The following GPHN variants were observed in gnomAD, a reference collection of about 807,000 sequenced individuals.
GPHN encodes the protein gephyrin.
In GPHN, 17 loss-of-function variants were observed where a neutral mutation model predicts 95.5. The ratio of observed to expected loss-of-function variants is 0.18; its 90% CI spans 0.12 to 0.27. The LOEUF is 0.27. GPHN is among the 10% of genes least tolerant of loss of function. The pLI, the probability that GPHN is intolerant of heterozygous loss-of-function variation, is 1.00. For missense variants in GPHN, 660 were observed against 978.1 expected (o/e 0.67, Z 4.34); for synonymous variants, 320 against 322.5 (o/e 0.99, Z 0.08).
At chr14:67,215,265 T>C in the GPHN span, among the ~76,000 whole-genome samples, 3 of 152,260 alleles carry the variant, frequency 2.0e-5, no homozygotes, top group Middle Eastern at 3.4e-3. Context: ...TCTAGGGAGC[T>C]TTCTTCCAGG....
At chr14:67,334,737 T>A in the GPHN span, 3 of 152,236 alleles carry the variant, frequency 2.0e-5, no homozygotes, top group East Asian at 5.8e-4. Context: ...TCTGAAATAC[T>A]CCAGTTTAGA....
At chr14:66,790,958 G>A (rs1293044295) in intron 3 of GPHN, among the ~76,000 whole-genome samples, 4 of 152,234 alleles carry the variant, frequency 2.6e-5, no homozygotes, top group African/African-American at 9.6e-5. Flanking sequence ...AAAGAGAATA[G>A]TAATTAAAAT....
chr14:67,508,035 G>A, the GPHN span, among the ~76,000 whole-genome samples: 2 of 151,908 alleles, frequency 1.3e-5, no homozygotes, highest in Non-Finnish European at 1.5e-5. Flanking sequence ...CTACTCGGGA[G>A]GCTGAGGCAG....
At chr14:67,538,497 T>C in the GPHN span, among the ~76,000 whole-genome samples, 5 of 152,358 alleles carry the variant, frequency 3.3e-5, no homozygotes, top group South Asian at 1.0e-3. Context: ...CTGCTCATCC[T>C]TGTGCATTTT....
the GPHN span, among the ~76,000 whole-genome samples, chr14:67,368,138 A>C: frequency 6.6e-6 from 1 of 152,164 alleles, no homozygotes; most frequent in African/African-American, 2.4e-5. Context: ...AGGAGTCACA[A>C]GGAACTAGGG....
At chr14:67,594,054 T>C in the GPHN span, 1 of 749,184 alleles carries the variant, frequency 1.3e-6, no homozygotes, top group Non-Finnish European at 2.3e-6. Flanking sequence ...ATTGCTTTTA[T>C]TTGGGTTCTA....
the GPHN span, among the ~76,000 whole-genome samples, chr14:67,293,035 C>A: frequency 2.6e-5 from 4 of 151,996 alleles, no homozygotes; most frequent in Admixed American, 2.6e-4. Context: ...GAATTTTAAG[C>A]ATTATACATT....
the GPHN span, chr14:67,656,288 T>A: frequency 2.3e-6 from 2 of 871,298 alleles, no homozygotes; most frequent in Non-Finnish European, 3.2e-6. Flanking sequence ...GAGAAAAGCA[T>A]AAGAACTTAA....
At chr14:66,967,395 T>C (rs1054977840) in intron 9 of GPHN, among the ~76,000 whole-genome samples, 1 of 152,024 alleles carries the variant, frequency 6.6e-6, no homozygotes, top group Non-Finnish European at 1.5e-5. Context: ...TAAGAGAATC[T>C]AAACTAGGTG....
At chr14:67,587,310 T>C in the GPHN span, 1 of 1,542,528 alleles carries the variant, frequency 6.5e-7, no homozygotes, top group South Asian at 1.1e-5. Flanking sequence ...GGTATGATAC[T>C]ACTGTGACGG....
chr14:67,650,367 G>C, the GPHN span: 4,644 of 300,992 alleles, frequency 0.015, 68 homozygotes, highest in Non-Finnish European at 0.022. Context: ...CATACTGGAG[G>C]TGGCATACAT....
chr14:66,659,115 A>C (rs1018233419), intron 1 of GPHN, among the ~76,000 whole-genome samples: 6 of 151,514 alleles, frequency 4.0e-5, no homozygotes, highest in Admixed American at 3.9e-4. Flanking sequence ...TCTATTCCAA[A>C]ATTTTTGATA....
At chr14:67,125,234 G>A (rs564902704) in intron 17 of GPHN, among the ~76,000 whole-genome samples, 25 of 152,232 alleles carry the variant, frequency 1.6e-4, no homozygotes, top group African/African-American at 5.8e-4. Flanking sequence ...TGGGAGGAAA[G>A]AATTTATAAT....
At chr14:66,898,498 T>G (rs906157087) in intron 5 of GPHN, among the ~76,000 whole-genome samples, 6 of 138,968 alleles carry the variant, frequency 4.3e-5, no homozygotes, top group African/African-American at 1.3e-4. Flanking sequence ...AAAAGCTACC[T>G]TTCCTCTGTT....
At chr14:66,787,425 A>G (rs1033156244) in intron 3 of GPHN, among the ~76,000 whole-genome samples, 12 of 152,188 alleles carry the variant, frequency 7.9e-5, no homozygotes, top group Middle Eastern at 3.2e-3. Context: ...TAATTGAACC[A>G]TAAATTTAAT....
At chr14:66,567,119 G>A (rs2060492834) in intron 1 of GPHN, among the ~76,000 whole-genome samples, 1 of 152,116 alleles carries the variant, frequency 6.6e-6, no homozygotes, top group African/African-American at 2.4e-5. Context: ...GGCATGGATG[G>A]CATCCAGTCC....
At chr14:66,566,937 A>C (rs960707661) in intron 1 of GPHN, among the ~76,000 whole-genome samples, 8 of 152,190 alleles carry the variant, frequency 5.3e-5, no homozygotes, top group African/African-American at 1.9e-4. Flanking sequence ...GTGAAAATGT[A>C]ATACAGTAAC....
chr14:67,410,091 TCTC>T, the GPHN span, among the ~76,000 whole-genome samples: 1 of 151,950 alleles, frequency 6.6e-6, no homozygotes, highest in Admixed American at 6.6e-5. Context: ...ATCTGTTGAC[TCTC>T]CTCATTTTCT....
At chr14:66,866,542 A>T (rs1221419975) in intron 4 of GPHN, among the ~76,000 whole-genome samples, 1 of 152,180 alleles carries the variant, frequency 6.6e-6, no homozygotes, top group Non-Finnish European at 1.5e-5. Flanking sequence ...GATAAAAGTT[A>T]TTGAAAAATA....
Sources: gnomAD v4.1 joint callset for allele counts (sites outside exome capture counted in the v4.1 genomes callset) on GRCh38, gnomAD v4.1.1 for gene constraint, MANE v1.5 for transcripts, NCBI Gene and HGNC (gene_info 2026-07-23, HGNC 2026-07-21) for gene names.